The following TBCEL variants were observed in gnomAD, a reference collection of about 807,000 sequenced individuals.
The protein encoded by TBCEL is tubulin-specific chaperone cofactor E-like protein.
TBCEL carries 15 observed loss-of-function variants against 44.2 expected under a neutral mutation model. The ratio of observed to expected loss-of-function variants is 0.34; its 90% CI spans 0.23 to 0.52. The LOEUF is 0.52. TBCEL is among the 20% of genes least tolerant of loss of function. The pLI is 0.95. For missense variants in TBCEL, 319 were observed against 506.3 expected, an observed-to-expected ratio of 0.63 and a Z score of 3.55; for synonymous variants, 171 against 185.4, an observed-to-expected ratio of 0.92 and a Z score of 0.63.
At chr11:121,058,996 G>A (rs1301109638) in intron 7 of TBCEL, among the ~76,000 whole-genome samples, 2 of 151,764 alleles carry the variant, frequency 1.3e-5, no homozygotes, top group Non-Finnish European at 2.9e-5. Flanking sequence ...CCACATACTC[G>A]GGAATTTCCC....
At chr11:121,043,195 T>C (rs1243454762) in intron 2 of TBCEL, among the ~76,000 whole-genome samples, 1 of 152,188 alleles carries the variant, frequency 6.6e-6, no homozygotes, top group Non-Finnish European at 1.5e-5. Flanking sequence ...TCCTGAATTC[T>C]CTGCCCTTTC....
intron 1 of TBCEL, among the ~76,000 whole-genome samples, chr11:121,030,093 AG>A (rs1945116755): frequency 6.6e-6 from 1 of 152,162 alleles, no homozygotes; most frequent in Non-Finnish European, 1.5e-5. Flanking sequence ...CCTCTTTGAG[AG>A]GGTGACATTT....
At chr11:121,061,860 T>C (rs1035418491) in intron 8 of TBCEL, among the ~76,000 whole-genome samples, 3 of 152,092 alleles carry the variant, frequency 2.0e-5, no homozygotes, top group Non-Finnish European at 4.4e-5. Flanking sequence ...ACTTAGGCTG[T>C]ACTACATTTA....
At chr11:121,038,401 T>G (rs11602391) in intron 2 of TBCEL, among the ~76,000 whole-genome samples, 1,751 of 152,286 alleles carry the variant, frequency 0.011, 15 homozygotes, top group African/African-American at 0.024. Context: ...TCAGTCTTTT[T>G]GGGGATACTC....
intron 8 of TBCEL, among the ~76,000 whole-genome samples, chr11:121,086,025 G>A (rs930830427): frequency 6.6e-6 from 1 of 152,008 alleles, no homozygotes; most frequent in South Asian, 2.1e-4. Flanking sequence ...TAGGAAACTT[G>A]TAAGTGTCCT....
chr11:121,047,196 A>G (rs554101749), intron 3 of TBCEL, among the ~76,000 whole-genome samples: 21 of 152,176 alleles, frequency 1.4e-4, no homozygotes, highest in African/African-American at 5.1e-4. Context: ...CCACACATGA[A>G]TTTCATGGAT....
At chr11:121,053,443 TA>T in intron 4 of TBCEL, 107 bp from the exon 5 acceptor site, 1 of 952,264 alleles carries the variant, frequency 1.1e-6, no homozygotes, top group Non-Finnish European at 1.6e-6. Flanking sequence ...CTCCTTGATG[TA>T]AATGGCCCTT....
chr11:121,065,611 A>G (rs1945806556), intron 8 of TBCEL, among the ~76,000 whole-genome samples: 1 of 152,234 alleles, frequency 6.6e-6, no homozygotes, highest in African/African-American at 2.4e-5. Flanking sequence ...TCATTTTATT[A>G]ACAGTACCTG....
chr11:121,086,194 C>T (rs562233309), intron 8 of TBCEL, among the ~76,000 whole-genome samples: 4 of 152,326 alleles, frequency 2.6e-5, no homozygotes, highest in African/African-American at 7.2e-5. Context: ...ACATGTATCC[C>T]TTACTTACCA....
chr11:121,079,963 C>T (rs1946095625), intron 8 of TBCEL, among the ~76,000 whole-genome samples: 1 of 152,206 alleles, frequency 6.6e-6, no homozygotes, highest in South Asian at 2.1e-4. Context: ...TACAGGCGCA[C>T]ACCACCACGT....
At chr11:121,086,653 A>G in intron 8 of TBCEL, 125 bp from the exon 9 acceptor site, 1 of 722,352 alleles carries the variant, frequency 1.4e-6, no homozygotes, top group Non-Finnish European at 2.3e-6. Flanking sequence ...CATAGGAGTC[A>G]TGTGATAGAA....
At chr11:121,074,766 C>G (rs148494619) in intron 8 of TBCEL, among the ~76,000 whole-genome samples, 4 of 151,974 alleles carry the variant, frequency 2.6e-5, no homozygotes, top group Non-Finnish European at 5.9e-5. Context: ...CACCACTGAT[C>G]TGTTTTCTGT....
At position 121,034,491 on chromosome 11, in the gene TBCEL, T is replaced by C. The variant is rs111689042; in HGVS notation, c.-125-2014T>C. ...CTATGAAGAATTTTTGTTTCTAAAG[T>C]ACTTTGATTTCAGAGTTTATTAGTC... On this transcript the variant is annotated intron_variant, in intron 1 of 8. Transcript: ENST00000683345. Among the ~76,000 whole-genome samples, 733 of 152,318 alleles carry C rather than the reference T, an allele frequency of 4.8e-3. 5 individuals are homozygous for C. The highest frequency in any genetic ancestry group is 0.014 in the Middle Eastern group (4 of 292).
intron 8 of TBCEL, among the ~76,000 whole-genome samples, chr11:121,062,507 C>A (rs907430293): frequency 3.3e-5 from 5 of 152,122 alleles, no homozygotes; most frequent in African/African-American, 1.2e-4. Flanking sequence ...TAAGATGTCA[C>A]AGCTGCATTG....
chr11:121,085,562 T>A (rs1402610104), intron 8 of TBCEL, among the ~76,000 whole-genome samples: 1 of 152,244 alleles, frequency 6.6e-6, no homozygotes, highest in African/African-American at 2.4e-5. Context: ...CACAGCTAAT[T>A]ATAAAATGGA....
intron 8 of TBCEL, among the ~76,000 whole-genome samples, chr11:121,063,272 GA>G (rs909750155): frequency 5.4e-5 from 8 of 148,004 alleles, no homozygotes; most frequent in South Asian, 2.1e-4. Flanking sequence ...GAACAATTCA[GA>G]AAAAAAAAAT....
intron 7 of TBCEL, among the ~76,000 whole-genome samples, chr11:121,059,398 T>C (rs1591400828): frequency 6.6e-6 from 1 of 151,942 alleles, no homozygotes; most frequent in Non-Finnish European, 1.5e-5. Flanking sequence ...CTCTCTAGAC[T>C]GGGCTGTTTA....
intron 1 of TBCEL, among the ~76,000 whole-genome samples, chr11:121,027,614 A>G (rs376127954): frequency 1.2e-4 from 19 of 152,286 alleles, no homozygotes; most frequent in African/African-American, 4.3e-4. Context: ...CTTTGTGTGT[A>G]AAATTATCCC....
intron 7 of TBCEL, among the ~76,000 whole-genome samples, chr11:121,059,030 C>G (rs1004667123): frequency 6.6e-6 from 1 of 151,934 alleles, no homozygotes; most frequent in Admixed American, 6.6e-5. Context: ...TTTGTATGAA[C>G]CTTTAGCAGA....
Sources: gnomAD v4.1 joint callset for allele counts (sites outside exome capture counted in the v4.1 genomes callset) on GRCh38, gnomAD v4.1.1 for gene constraint, MANE v1.5 for transcripts, NCBI Gene and HGNC (gene_info 2026-07-23, HGNC 2026-07-21) for gene names.